Variants in RICTOR observed in about 807,000 individuals in gnomAD.
The protein encoded by RICTOR is rapamycin-insensitive companion of mTOR.
Under a neutral mutation model 214.9 loss-of-function variants are expected in RICTOR, and 49 were observed. The observed-to-expected ratio is 0.23, with a 90% CI of 0.18 to 0.29. RICTOR has a LOEUF of 0.29. RICTOR is among the 10% of genes least tolerant of loss of function. RICTOR has a pLI of 1.00. For synonymous variants in RICTOR, 717 were observed against 711.3 expected (o/e 1.01, Z -0.13); for missense variants, 1,625 against 2,047.0 (o/e 0.79, Z 3.98).
At chr5:38,990,707 A>ATATATGATATATC (rs1281321409) in intron 7 of RICTOR, among the ~76,000 whole-genome samples, 9,953 of 91,530 alleles carry the variant, frequency 0.11, 2,409 homozygotes, top group East Asian at 0.16. Context: ...TATATCAGAT[A>ATATATGATATATC]TGATATATAT....
At chr5:38,994,696 G>A (rs975493536) in intron 6 of RICTOR, among the ~76,000 whole-genome samples, 35 of 149,836 alleles carry the variant, frequency 2.3e-4, no homozygotes, top group African/African-American at 7.6e-4. Flanking sequence ...CAAATGAAAT[G>A]ATATTTTTGT....
chr5:39,051,042 T>TACACACACACACACACACACAC (rs111723153), intron 2 of RICTOR, among the ~76,000 whole-genome samples: 2 of 145,654 alleles, frequency 1.4e-5, no homozygotes, highest in African/African-American at 2.6e-5. Flanking sequence ...TACATATATA[T>TACACACACACACACACACACAC]ACACACACAC....
At chr5:38,951,932 G>C (rs569403885) in intron 30 of RICTOR, among the ~76,000 whole-genome samples, 2 of 151,968 alleles carry the variant, frequency 1.3e-5, no homozygotes, top group South Asian at 4.1e-4. Context: ...AAAAAAGGAG[G>C]ACTGGTTCTT....
In RICTOR at chr5:38,968,003, T is replaced by C. The variant is rs751149133; in HGVS notation, c.1000A>G (p.Ile334Val). 1.1e-5 allele frequency: 17 copies of C among 1,606,512 alleles called. No homozygotes were observed. In the Admixed American group the frequency reaches 2.0e-4, roughly 19 times the overall value. Residue 334 changes from isoleucine (I) to valine (V), a missense_variant, in exon 12 of 38, where the codon ATA (isoleucine) becomes GTA (valine). Physicochemically the swap from Ile to Val is conservative, Grantham distance 29. This residue lies in a region of RICTOR where 258 missense variants were observed against 393.7 expected (regional missense o/e 0.66). Transcript: ENST00000357387. ...RRGLLEVLYD[I>V]FRLPLPVVTE... Reference sequence around the variant, plus strand: ...ACAACAGGTAGAGGAAGACGAAATATATCATAAAGCACTTCAAGTAGACCT... The same window carrying C: ...ACAACAGGTAGAGGAAGACGAAATACATCATAAAGCACTTCAAGTAGACCT...
chr5:38,999,815 C>CT (rs1753478502), intron 5 of RICTOR, among the ~76,000 whole-genome samples: 2 of 151,396 alleles, frequency 1.3e-5, no homozygotes, highest in South Asian at 4.2e-4. Context: ...CTAAATACTC[C>CT]AATAAGAAGA....
rs767644787 is a variant in RICTOR, at chr5:38,945,074, GA to G, written c.4634-7del. 2 of 1,575,474 alleles carry G rather than the reference GA, an allele frequency of 1.3e-6. No individual in the cohort carries two copies. Among genetic ancestry groups the G allele is most frequent in the Admixed American group, 1.8e-5 (1 of 54,790 alleles). Reference sequence around the variant, plus strand: ...ATATGGAATATCTTGAAAGTCTGAAGAAAAAAATAATTATTTCAATTAAAGC... The same window carrying G: ...ATATGGAATATCTTGAAAGTCTGAAGAAAAAATAATTATTTCAATTAAAGC... On this transcript the variant is annotated splice_region_variant and splice_polypyrimidine_tract_variant and intron_variant, in intron 34 of 37. Coordinates refer to ENST00000357387, the MANE Select transcript of RICTOR (RefSeq NM_152756.5).
At chr5:38,971,355 A>G (rs1423260938) in intron 11 of RICTOR, 1 of 145,644 alleles carries the variant, frequency 6.9e-6, no homozygotes, top group Non-Finnish European at 1.5e-5. Context: ...TAATACAGCC[A>G]TTATTCCTAA....
At chr5:39,004,879 T>C (rs1753924100) in intron 3 of RICTOR, among the ~76,000 whole-genome samples, 1 of 150,378 alleles carries the variant, frequency 6.6e-6, no homozygotes, top group Non-Finnish European at 1.5e-5. Flanking sequence ...CCTCCCACGT[T>C]CAAGCGATTC....
intron 9 of RICTOR, among the ~76,000 whole-genome samples, chr5:38,977,435 G>A (rs1057484712): frequency 2.0e-5 from 3 of 152,158 alleles, no homozygotes; most frequent in South Asian, 4.1e-4. Context: ...AGCCAAGAAA[G>A]GGCCTTACAA....
chr5:39,065,116 G>T (rs910581028), intron 2 of RICTOR, among the ~76,000 whole-genome samples: 1 of 152,190 alleles, frequency 6.6e-6, no homozygotes, highest in African/African-American at 2.4e-5. Flanking sequence ...AAGAAAAGAG[G>T]TTTAATTGGC....
chr5:38,947,454 A>C lies in RICTOR; in HGVS notation c.4137-13T>G. On this transcript the variant is annotated splice_polypyrimidine_tract_variant and intron_variant, in intron 31 of 37. Coordinates refer to ENST00000357387, the MANE Select transcript of RICTOR (RefSeq NM_152756.5). ...GGCTTTCATGAACCTATAAAACCAT[A>C]AAGAAACCACTTGCATTAGTTTCTT... is the stretch of plus-strand genomic sequence containing the variant. 1.3e-6 allele frequency: 2 copies of C among 1,575,516 alleles called. No homozygotes were observed. The highest frequency in any genetic ancestry group is 1.1e-5 in the South Asian group (1 of 89,508).
At chr5:39,064,783 C>T (rs748310259) in intron 2 of RICTOR, among the ~76,000 whole-genome samples, 61 of 152,220 alleles carry the variant, frequency 4.0e-4, no homozygotes, top group Non-Finnish European at 7.1e-4. Context: ...CTACTACTCA[C>T]AGTGATTTAA....
At chr5:39,024,827 C>T (rs1372700481) in intron 2 of RICTOR, among the ~76,000 whole-genome samples, 2 of 152,182 alleles carry the variant, frequency 1.3e-5, no homozygotes, top group Admixed American at 1.3e-4. Flanking sequence ...TGATTGCAGA[C>T]ATTTTTTTAA....
rs1747457339 is a variant in RICTOR, at chr5:38,940,595, TGAA to T, written c.*1706_*1708del. The T allele has an allele frequency of 8.6e-6, 2 of 232,690 alleles. No homozygotes were observed. The highest frequency in any genetic ancestry group is 1.7e-5 in the Non-Finnish European group (2 of 117,524). 14.4% of individuals were successfully genotyped at this position (232,690 alleles called of 1,614,324 possible). On this transcript the variant is annotated 3_prime_UTR_variant, in exon 38 of 38. Coordinates refer to ENST00000357387, the MANE Select transcript of RICTOR (RefSeq NM_152756.5). ...CAACTGGATTTTATGAGAGAAAATC[TGAA>T]GAACCACTTTTCAACATAAGCAGCA... is the stretch of plus-strand genomic sequence containing the variant.
chr5:38,967,687 T>C (rs1256861167), intron 12 of RICTOR, among the ~76,000 whole-genome samples: 1 of 152,230 alleles, frequency 6.6e-6, no homozygotes, highest in Non-Finnish European at 1.5e-5. Context: ...CATAGGTTTC[T>C]TACTGTCTCC....
At chr5:39,055,928 C>T (rs1458146391) in intron 2 of RICTOR, among the ~76,000 whole-genome samples, 3 of 152,164 alleles carry the variant, frequency 2.0e-5, no homozygotes, top group Admixed American at 6.5e-5. Flanking sequence ...AAAATCATTA[C>T]CATCTGGTCT....
intron 2 of RICTOR, among the ~76,000 whole-genome samples, chr5:39,044,311 A>T (rs974959130): frequency 6.6e-6 from 1 of 152,194 alleles, no homozygotes; most frequent in Non-Finnish European, 1.5e-5. Flanking sequence ...TTATTTTGCC[A>T]GATATTAAAG....
Position 39,054,203 on chromosome 5 carries a change from A to G in RICTOR, c.97+19908T>C, listed in dbSNP as rs113379465. ...CTTAAAAAAAAAATACAAAGAACAT[A>G]TGAATAAAAGCTGTGAAATGAAAGA... On this transcript the variant is annotated intron_variant, in intron 2 of 37. Transcript: ENST00000357387. Among the ~76,000 whole-genome samples the G allele has an allele frequency of 5.7e-3, 861 of 152,330 alleles. 8 individuals are homozygous for G. The highest frequency in any genetic ancestry group is 0.02 in the African/African-American group (824 of 41,568).
chr5:38,960,613 T>A, intron 19 of RICTOR, 80 bp from the exon 20 acceptor site: 1 of 1,402,724 alleles, frequency 7.1e-7, no homozygotes, highest in Non-Finnish European at 1.0e-6. Context: ...TATGACATAA[T>A]AAGGCTTTCA....
Sources: gnomAD v4.1 joint callset for allele counts (sites outside exome capture counted in the v4.1 genomes callset) on GRCh38, gnomAD v4.1.1 for gene constraint, gnomAD v4.1.1 regional missense constraint, MANE v1.5 for transcripts, NCBI Gene and HGNC (gene_info 2026-07-23, HGNC 2026-07-21) for gene names.